Variants in SH2B2 observed in about 807,000 individuals in gnomAD.
SH2B2 encodes SH2B adaptor protein 2.
SH2B2 carries 37 observed loss-of-function variants against 35.7 expected under a neutral mutation model. The ratio of observed to expected loss-of-function variants is 1.04; its 90% CI spans 0.80 to 1.36. SH2B2 has a LOEUF of 1.36. SH2B2 is among the 40% of genes most tolerant of loss of function. The pLI is 0.00. For synonymous variants in SH2B2, 383 were observed against 376.4 expected, an observed-to-expected ratio of 1.02 and a Z score of -0.20; for missense variants, 852 against 817.7, an observed-to-expected ratio of 1.04 and a Z score of -0.51.
rs1424926454 is a variant in SH2B2 at position 102,321,472 on chromosome 7, G to C, written c.1741G>C (p.Ala581Pro). The change falls in exon 9 of 9, where the codon GCC becomes CCC. Residue 581 changes from alanine to proline, a missense_variant. Coordinates refer to ENST00000444095, the MANE Select transcript of SH2B2 (RefSeq NM_001359228.2). ...ASSSSAASGP[A>P]PPRPVEGQLS... is the part of the protein sequence containing the mutation. ...GTCGTCCTCTGCCGCGTCGGGGCCC[G>C]CCCCCCCGCGCCCCGTCGAGGGCCA... 18 of 1,185,316 alleles carry C rather than the reference G, an allele frequency of 1.5e-5. No individual in the cohort carries two copies. The highest frequency in any genetic ancestry group is 1.0e-6 in the Non-Finnish European group (1 of 956,326). The allele number at this position is 1,185,316 out of a possible 1,614,324, so 73.4% of individuals were successfully genotyped here. A position where few individuals can be genotyped will look rare whatever the true frequency, so the allele number is the denominator to read the frequency against.
At chr7:102,286,865 G>A (rs1792472516), upstream of SH2B2, 1 of 782 alleles carries the variant, frequency 1.3e-3, no homozygotes, top group Non-Finnish European at 2.7e-3. Context: ...CGGGCGGAGG[G>A]GCGCGCCGCG....
intron 8 of SH2B2, among the ~76,000 whole-genome samples, 193 bp from the exon 9 acceptor site, chr7:102,321,106 G>A (rs898170936): frequency 2.6e-5 from 4 of 152,190 alleles, no homozygotes; most frequent in African/African-American, 9.7e-5. Context: ...GTGCACACGC[G>A]TGGTTAGGTA....
chr7:102,307,272 G>T (rs1378949965), intron 3 of SH2B2, among the ~76,000 whole-genome samples: 1 of 152,324 alleles, frequency 6.6e-6, no homozygotes, highest in African/African-American at 2.4e-5. Context: ...CACCCCGGTG[G>T]GTCTAGGGGC....
chr7:102,290,377 G>T (rs1485463986), intron 1 of SH2B2, among the ~76,000 whole-genome samples: 1 of 151,472 alleles, frequency 6.6e-6, no homozygotes, highest in Admixed American at 6.6e-5. Context: ...CAATTCTCAT[G>T]CCTCAGCCTT....
chr7:102,300,650 G>T lies in SH2B2; in HGVS notation c.100G>T (p.Ala34Ser). The change falls in exon 2 of 9, where the codon GCC becomes TCC. Residue 34 changes from alanine (A) to serine (S), a missense_variant. By Grantham distance (99) the Ala-to-Ser change is moderately conservative (BLOSUM62 1). Around this residue, in one of 3 missense-constraint regions of SH2B2, gnomAD observed 294 missense variants for 286.6 expected, o/e 1.03. Coordinates refer to ENST00000444095, the MANE Select transcript of SH2B2 (RefSeq NM_001359228.2). ...GTTCTGCGAGCTGCATGCGCAGGCG[G>T]CCGCCGTGGACTTTGCGCACAAGTT... ...RQFCELHAQA[A>S]AVDFAHKFCR... The T allele has an allele frequency of 1.9e-6, 3 of 1,549,672 alleles. No individual in the cohort carries two copies. Among genetic ancestry groups the T allele is most frequent in the Non-Finnish European group, 2.6e-6 (3 of 1,145,352 alleles).
At chr7:102,303,738 T>C (rs1793287150) in intron 2 of SH2B2, among the ~76,000 whole-genome samples, 1 of 151,984 alleles carries the variant, frequency 6.6e-6, no homozygotes, top group Non-Finnish European at 1.5e-5. Context: ...TTACCCGGGG[T>C]CACCCAGAGG....
At chr7:102,295,083 G>A (rs898491805) in intron 1 of SH2B2, among the ~76,000 whole-genome samples, 7 of 152,140 alleles carry the variant, frequency 4.6e-5, no homozygotes, top group Admixed American at 2.0e-4. Context: ...CCTCCCCCAG[G>A]GCCCTGTCCC....
In SH2B2 at chr7:102,308,904, C is replaced by T. The variant is rs972655671; in HGVS notation, c.921C>T (p.Pro307=). 2.5e-5 allele frequency: 41 copies of T among 1,612,702 alleles called. No homozygotes were observed. Among genetic ancestry groups the T allele is most frequent in the Middle Eastern group, 1.6e-4 (1 of 6,084 alleles). ...CTGACATCCAGGGCTGCGTGGACCC[C>T]GGGTGAGTGTCCAAGTGGCCCGAAG... ...WVADIQGCVD[P]GDSEEDTELS... Residue 307 remains proline (P), a splice_region_variant and synonymous_variant, in exon 4 of 9, where the codon CCC becomes CCT. Coordinates refer to ENST00000444095, the MANE Select transcript of SH2B2 (RefSeq NM_001359228.2).
chr7:102,296,270 G>A (rs1381603375), intron 1 of SH2B2, among the ~76,000 whole-genome samples: 2 of 152,194 alleles, frequency 1.3e-5, no homozygotes, highest in Non-Finnish European at 2.9e-5. Flanking sequence ...TTTTTACCTG[G>A]CATTTAATTA....
rs1554557220 is a variant in SH2B2 at position 102,317,264 on chromosome 7, C to G, written c.1264C>G (p.Leu422Val). Residue 422 changes from leucine (L) to valine (V), a missense_variant, in exon 7 of 9, where the codon CTG becomes GTG. Around this residue, in one of 3 missense-constraint regions of SH2B2, gnomAD observed 556 missense variants for 514.5 expected, o/e 1.08. Transcript: ENST00000444095. ...CGACTACCCATGGTTCCACGGGACA[C>G]TGTCCCGGGTCAAGGCTGCTCAACT... Reference protein sequence around the residue: ...LSDYPWFHGTLSRVKAAQLVL... With the variant: ...LSDYPWFHGTVSRVKAAQLVL... 2 of 1,613,538 alleles carry G rather than the reference C, an allele frequency of 1.2e-6. No individual in the cohort carries two copies. The highest frequency in any genetic ancestry group is 1.3e-5 in the African/African-American group (1 of 74,944).
chr7:102,306,830 C>A lies in SH2B2; in HGVS notation c.831+8C>A. The A allele has an allele frequency of 2.6e-6, 4 of 1,562,370 alleles. No homozygotes were observed. The highest frequency in any genetic ancestry group is 3.5e-6 in the Non-Finnish European group (4 of 1,150,762). On this transcript the variant is annotated splice_region_variant and intron_variant, in intron 3 of 8. Coordinates refer to ENST00000444095, the MANE Select transcript of SH2B2 (RefSeq NM_001359228.2). Reference sequence around the variant, plus strand: ...AACACATTCGTCCTCAAGGTGAGGTCTCACCCCTAACCTCAGAGATCCTCC... The same window carrying A: ...AACACATTCGTCCTCAAGGTGAGGTATCACCCCTAACCTCAGAGATCCTCC...
At position 102,301,231 on chromosome 7, in the gene SH2B2, G is replaced by A; in HGVS notation, c.681G>A (p.Arg227=). The part of the protein sequence containing the change: ...QWQKCRLLLR[R]AVAEERFRLE... ...AGAAGTGCCGCCTGCTCCTGCGCAG[G>A]GCTGTGGCCGAGGAACGCTTCCGCC... Residue 227 remains arginine (R), a synonymous_variant, in exon 2 of 9, where the codon AGG becomes AGA. Coordinates refer to ENST00000444095, the MANE Select transcript of SH2B2 (RefSeq NM_001359228.2). 1.9e-6 allele frequency: 3 copies of A among 1,603,302 alleles called. No individual in the cohort carries two copies. Among genetic ancestry groups the A allele is most frequent in the African/African-American group, 1.3e-5 (1 of 74,356 alleles).
chr7:102,317,303 G>C lies in SH2B2; in HGVS notation c.1303G>C (p.Gly435Arg). ...VKAAQLVLAG[G>R]PRNHGLFVIR... is the part of the protein sequence containing the mutation. ...GGCTGCTCAACTGGTTCTGGCAGGG[G>C]GGCCCCGGAACCACGGCCTCTTCGT... Residue 435 changes from glycine (G) to arginine (R), a missense_variant, in exon 7 of 9, where the codon GGG (glycine) becomes CGG (arginine). Gly to Arg is a moderately radical substitution (Grantham distance 125). Coordinates refer to ENST00000444095, the MANE Select transcript of SH2B2 (RefSeq NM_001359228.2). The C allele has an allele frequency of 6.2e-7, 1 of 1,613,604 alleles. No homozygotes were observed. Among genetic ancestry groups the C allele is most frequent in the Non-Finnish European group, 8.5e-7 (1 of 1,179,518 alleles).
Position 102,300,866 on chromosome 7 carries a change from G to A in SH2B2, c.316G>A (p.Ala106Thr), listed in dbSNP as rs1554553571. The A allele has an allele frequency of 1.4e-6, 2 of 1,462,950 alleles. No individual in the cohort carries two copies. Among genetic ancestry groups the A allele is most frequent in the South Asian group, 2.7e-5 (2 of 72,876 alleles). 90.6% of individuals were successfully genotyped at this position (1,462,950 alleles called of 1,614,324 possible). The change falls in exon 2 of 9, where the codon GCA (alanine) becomes ACA (threonine). Residue 106 changes from alanine to threonine, a missense_variant. By Grantham distance (58) the Ala-to-Thr change is moderately conservative. This residue lies in a region of SH2B2 where 294 missense variants were observed against 286.6 expected (regional missense o/e 1.03). Coordinates refer to ENST00000444095, the MANE Select transcript of SH2B2 (RefSeq NM_001359228.2). ...AMEPELADTS[A>T]LKAAPYGHSR... ...GGAGCCGGAGCTCGCGGACACCTCT[G>A]CACTCAAGGCGGCGCCCTACGGCCA...
At chr7:102,291,337 C>T (rs1275675781) in intron 1 of SH2B2, among the ~76,000 whole-genome samples, 4 of 152,206 alleles carry the variant, frequency 2.6e-5, no homozygotes, top group African/African-American at 9.7e-5. Flanking sequence ...GTCCTGGGTG[C>T]AGGGCTGTTG....
chr7:102,301,624 T>C (rs1341031864), intron 2 of SH2B2, among the ~76,000 whole-genome samples: 1 of 151,340 alleles, frequency 6.6e-6, no homozygotes, highest in African/African-American at 2.4e-5. Context: ...CAGGCTGGAG[T>C]GCAGTGGTAC....
At position 102,300,731 on chromosome 7, in the gene SH2B2, T is replaced by A. The variant is rs1793126405; in HGVS notation, c.181T>A (p.Phe61Ile). Residue 61 changes from phenylalanine to isoleucine, a missense_variant, in exon 2 of 9, where the codon TTC (phenylalanine) becomes ATC (isoleucine). Around this residue, in one of 3 missense-constraint regions of SH2B2, gnomAD observed 294 missense variants for 286.6 expected, o/e 1.03. Transcript: ENST00000444095. ...AYDTPDAGASFSRHFAANFLD... is the reference protein window; with the variant it reads ...AYDTPDAGASISRHFAANFLD... ...CGACACGCCCGACGCCGGCGCCTCC[T>A]TCTCCCGCCACTTCGCCGCCAACTT... 1.3e-6 allele frequency: 2 copies of A among 1,528,776 alleles called. No individual in the cohort carries two copies. The highest frequency in any genetic ancestry group is 1.8e-6 in the Non-Finnish European group (2 of 1,133,796). 94.7% of individuals were successfully genotyped at this position (1,528,776 alleles called of 1,614,324 possible).
chr7:102,301,560 G>A (rs1256681804), intron 2 of SH2B2, among the ~76,000 whole-genome samples: 2 of 112,430 alleles, frequency 1.8e-5, no homozygotes, highest in African/African-American at 1.2e-4. Flanking sequence ...GTGTGTGTCC[G>A]TGTGTGTGTG....
In SH2B2 at chr7:102,287,696, C is replaced by T. The variant is rs537435122; in HGVS notation, c.-30+602C>T. Among the ~76,000 whole-genome samples, 4 of 152,294 alleles carry T rather than the reference C, an allele frequency of 2.6e-5. No individual in the cohort carries two copies. The East Asian group carries it at 7.7e-4, about 29-fold the overall frequency. ...GCCTTTAAGAAGGGGCGGGTTCGTG[C>T]CCTCCATTCAGGCCCTTGGGCCTCG... On this transcript the variant is annotated intron_variant, in intron 1 of 8. Coordinates refer to ENST00000444095, the MANE Select transcript of SH2B2 (RefSeq NM_001359228.2).
Sources: allele counts gnomAD v4.1 joint callset (sites outside exome capture counted in the v4.1 genomes callset), GRCh38; gene constraint gnomAD v4.1.1; regional missense constraint gnomAD v4.1.1; transcripts MANE v1.5; gene names NCBI Gene and HGNC (gene_info 2026-07-23, HGNC 2026-07-21).